HECW1: variants seen among roughly 807,000 people sequenced by gnomAD.
HECW1 encodes HECT, C2 and WW domain containing E3 ubiquitin protein ligase 1.
Under a neutral mutation model 182.3 loss-of-function variants are expected in HECW1, and 61 were observed. The observed-to-expected ratio is 0.33, with a 90% CI of 0.27 to 0.41. The LOEUF is 0.41. HECW1 is among the 10% of genes least tolerant of loss of function. The pLI, the probability that HECW1 is intolerant of heterozygous loss-of-function variation, is 1.00. For missense variants in HECW1, 1,739 were observed against 2,108.9 expected, an observed-to-expected ratio of 0.82 and a Z score of 3.44; for synonymous variants, 859 against 832.6, an observed-to-expected ratio of 1.03 and a Z score of -0.55.
intron 2 of HECW1, among the ~76,000 whole-genome samples, chr7:43,173,977 A>T (rs553089776): frequency 6.6e-6 from 1 of 152,070 alleles, no homozygotes; most frequent in African/African-American, 2.4e-5. Flanking sequence ...AGCTGGGACT[A>T]CAGGCATGCA....
intron 8 of HECW1, among the ~76,000 whole-genome samples, chr7:43,435,020 T>G (rs2076666971): frequency 6.6e-6 from 1 of 152,096 alleles, no homozygotes; most frequent in Admixed American, 6.6e-5. Flanking sequence ...TTTCCAGTCT[T>G]TTTCTATTCA....
chr7:43,348,705 T>C (rs1814005048), intron 5 of HECW1, among the ~76,000 whole-genome samples: 1 of 152,180 alleles, frequency 6.6e-6, no homozygotes, highest in African/African-American at 2.4e-5. Flanking sequence ...TTTGATAGTT[T>C]GTGTCATTAT....
chr7:43,356,108 G>A (rs1815099898), intron 5 of HECW1, among the ~76,000 whole-genome samples: 1 of 152,106 alleles, frequency 6.6e-6, no homozygotes, highest in Non-Finnish European at 1.5e-5. Flanking sequence ...AAAAGGGATA[G>A]AGTGGCTGAG....
At chr7:43,514,934 G>C (rs1441575695) in intron 24 of HECW1, among the ~76,000 whole-genome samples, 1 of 152,114 alleles carries the variant, frequency 6.6e-6, no homozygotes, top group Non-Finnish European at 1.5e-5. Flanking sequence ...TAGGAACCCA[G>C]GTATCATGGC....
At chr7:43,308,235 TAATATATAATA>T (rs1807980175) in intron 3 of HECW1, among the ~76,000 whole-genome samples, 1 of 66,022 alleles carries the variant, frequency 1.5e-5, no homozygotes, top group East Asian at 4.2e-4. Flanking sequence ...TTTTATATAA[TAATATATAATA>T]TATATATATT....
Position 43,274,348 on chromosome 7 carries a change from T to C in HECW1, c.27+30416T>C. The C allele has an allele frequency of 5.6e-6, 4 of 717,406 alleles. No individual in the cohort carries two copies. In the South Asian group the frequency reaches 7.4e-5, roughly 13 times the overall value. The allele number at this position is 717,406 out of a possible 1,614,324, so 44.4% of individuals were successfully genotyped here. ...GATGACTTCAGGCTGGATTGTCTAC[T>C]GTGGACAGGTGTTTGAGAAGGTCCC... On this transcript the variant is annotated intron_variant, in intron 3 of 29. Coordinates refer to ENST00000395891, the MANE Select transcript of HECW1 (RefSeq NM_015052.5).
intron 3 of HECW1, chr7:43,274,628 G>T (rs1373796497): frequency 3.0e-5 from 11 of 365,282 alleles, no homozygotes; most frequent in Non-Finnish European, 4.7e-5. Context: ...ACTCAGGAAC[G>T]CCCCGGGGGA....
intron 16 of HECW1, among the ~76,000 whole-genome samples, chr7:43,469,718 C>T (rs1159640738): frequency 6.6e-6 from 1 of 152,188 alleles, no homozygotes; most frequent in East Asian, 1.9e-4. Context: ...AGGATTTTTC[C>T]TAATCTTCAT....
intron 7 of HECW1, among the ~76,000 whole-genome samples, chr7:43,406,541 T>G (rs75053289): frequency 0.12 from 18,540 of 152,228 alleles, 1,313 homozygotes; most frequent in Middle Eastern, 0.28. Flanking sequence ...ATCCTGTGTA[T>G]CTTTACCTCC....
rs1584139230 is a variant in HECW1 at position 43,243,003 on chromosome 7, C to G, written c.-31-872C>G. Among the ~76,000 whole-genome samples the G allele has an allele frequency of 6.6e-6, 1 of 152,186 alleles. No homozygotes were observed. The highest frequency in any genetic ancestry group is 2.4e-5 in the African/African-American group (1 of 41,464). On this transcript the variant is annotated intron_variant, in intron 2 of 29. Transcript: ENST00000395891. This position sits in a 1 kb window ranked among gnomAD's most constrained non-coding sequence, Gnocchi z 4.0. ...CTGCACCCAGAATGCAAGCTTGCTA[C>G]TTGTTTCTTACACGACTTCATTTGT...
chr7:43,218,983 G>A (rs1796701029), intron 2 of HECW1, among the ~76,000 whole-genome samples: 1 of 152,216 alleles, frequency 6.6e-6, no homozygotes, highest in African/African-American at 2.4e-5. Flanking sequence ...GGGAACACCA[G>A]CCAGGTATAT....
intron 6 of HECW1, among the ~76,000 whole-genome samples, chr7:43,380,525 T>C (rs2074502495): frequency 6.6e-6 from 1 of 152,140 alleles, no homozygotes; most frequent in South Asian, 2.1e-4. Flanking sequence ...TTTTGGTGAA[T>C]GTATGTGATT....
At position 43,219,481 on chromosome 7, in the gene HECW1, C is replaced by T. The variant is rs188199618; in HGVS notation, c.-31-24394C>T. 2.2e-4 allele frequency among the ~76,000 whole-genome samples: 33 copies of T among 152,190 alleles called. No homozygotes were observed. In the East Asian group the frequency reaches 3.7e-3, roughly 17 times the overall value. ...AAGGGCTTTATTCAGCTGGGAGCTT[C>T]GGCAAGACTCCTGTCTCCAACAACC... On this transcript the variant is annotated intron_variant, in intron 2 of 29. Coordinates refer to ENST00000395891, the MANE Select transcript of HECW1 (RefSeq NM_015052.5).
At chr7:43,529,282 T>A (rs574984671) in intron 24 of HECW1, among the ~76,000 whole-genome samples, 26 of 152,192 alleles carry the variant, frequency 1.7e-4, no homozygotes, top group Admixed American at 8.5e-4. Flanking sequence ...ATCCCAGGCC[T>A]CCTGAGCGCC....
intron 24 of HECW1, among the ~76,000 whole-genome samples, chr7:43,524,072 A>G (rs1301555886): frequency 6.6e-6 from 1 of 152,176 alleles, no homozygotes; most frequent in East Asian, 1.9e-4. Flanking sequence ...TGCAGAATTT[A>G]TTTTAAATGC....
At chr7:43,503,661 C>G (rs764791967) in intron 21 of HECW1, among the ~76,000 whole-genome samples, 1 of 152,064 alleles carries the variant, frequency 6.6e-6, no homozygotes, top group Non-Finnish European at 1.5e-5. Context: ...AATCCAAATA[C>G]GTTGATTTTA....
chr7:43,269,095 AAT>A (rs1562761729), intron 3 of HECW1, among the ~76,000 whole-genome samples: 1 of 152,164 alleles, frequency 6.6e-6, no homozygotes, highest in Non-Finnish European at 1.5e-5. Context: ...TCACCACTGA[AAT>A]ATTTAATAAA....
At chr7:43,466,597 G>T (rs768436541) in intron 15 of HECW1, 29 bp downstream of exon 15, 33 of 1,604,860 alleles carry the variant, frequency 2.1e-5, no homozygotes, top group Non-Finnish European at 2.7e-5. Flanking sequence ...AGAGGGGGCG[G>T]CCTGGCTCGG....
In HECW1 at chr7:43,114,311, G is replaced by T; in HGVS notation, c.-112G>T. 7.3e-7 allele frequency: 1 copy of T among 1,362,658 alleles called. No individual in the cohort carries two copies. Among genetic ancestry groups the T allele is most frequent in the Non-Finnish European group, 9.7e-7 (1 of 1,033,744 alleles). The allele number at this position is 1,362,658 out of a possible 1,614,324, so 84.4% of individuals were successfully genotyped here. Reference sequence around the variant, plus strand: ...GCCAACCGTTAAAGACCCCGGCAGTGTTGTGGTCCAAGGCGTCTCAAAGCA... The same window carrying T: ...GCCAACCGTTAAAGACCCCGGCAGTTTTGTGGTCCAAGGCGTCTCAAAGCA... On this transcript the variant is annotated 5_prime_UTR_variant, in exon 2 of 30. Coordinates refer to ENST00000395891, the MANE Select transcript of HECW1 (RefSeq NM_015052.5).
Sources: allele counts gnomAD v4.1 joint callset (sites outside exome capture counted in the v4.1 genomes callset), GRCh38; gene constraint gnomAD v4.1.1; non-coding constraint Gnocchi (gnomAD v3.1); transcripts MANE v1.5; gene names NCBI Gene and HGNC (gene_info 2026-07-23, HGNC 2026-07-21).